Variants in ITCH observed in about 807,000 individuals in gnomAD.
The protein encoded by ITCH is E3 ubiquitin-protein ligase Itchy homolog.
A neutral mutation model predicts 126.8 loss-of-function variants in ITCH; 28 were observed. The ratio of observed to expected loss-of-function variants is 0.22; its 90% CI spans 0.16 to 0.30. ITCH has a LOEUF of 0.30. ITCH is among the 10% of genes least tolerant of loss of function. The pLI, the probability that ITCH is intolerant of heterozygous loss-of-function variation, is 1.00. For missense variants in ITCH, 631 were observed against 1,032.4 expected, an observed-to-expected ratio of 0.61 and a Z score of 5.33; for synonymous variants, 342 against 340.0, an observed-to-expected ratio of 1.01 and a Z score of -0.06.
At chr20:34,425,928 T>C (rs1169237632) in intron 7 of ITCH, among the ~76,000 whole-genome samples, 1 of 152,268 alleles carries the variant, frequency 6.6e-6, no homozygotes, top group African/African-American at 2.4e-5. Flanking sequence ...CTTATTTCTT[T>C]TCTCAGTCTC....
Position 34,441,068 on chromosome 20 carries a change from C to T in ITCH, c.869+724C>T, listed in dbSNP as rs551340036. ...GGCTGATCACCTGAGGTCAGGAGTT[C>T]GAGACCAGCCTGGCCAACATGCTGA... On this transcript the variant is annotated intron_variant, in intron 9 of 24. Coordinates refer to ENST00000374864, the MANE Select transcript of ITCH (RefSeq NM_031483.7). Among the ~76,000 whole-genome samples the T allele has an allele frequency of 8.6e-5, 13 of 152,010 alleles. 1 individual carries two copies. In the South Asian group the frequency reaches 2.7e-3, roughly 32 times the overall value.
At position 34,443,042 on chromosome 20, in the gene ITCH, G is replaced by C. The variant is rs565563768; in HGVS notation, c.965+739G>C. Among the ~76,000 whole-genome samples the C allele has an allele frequency of 6.8e-4, 103 of 151,718 alleles. 1 individual carries two copies. The highest frequency in any genetic ancestry group is 1.4e-3 in the Non-Finnish European group (93 of 67,920). ...TGTTTACCTGTTTACTAATACTGTA[G>C]TTTAAGTATTAGTTTCTTCAAGAGT... On this transcript the variant is annotated intron_variant, in intron 10 of 24. Coordinates refer to ENST00000374864, the MANE Select transcript of ITCH (RefSeq NM_031483.7).
At chr20:34,490,513 C>T (rs1309086693) in intron 22 of ITCH, among the ~76,000 whole-genome samples, 2 of 152,132 alleles carry the variant, frequency 1.3e-5, no homozygotes, top group African/African-American at 4.8e-5. Flanking sequence ...CATGGTGGCA[C>T]ATGCCTGTAA....
intron 13 of ITCH, among the ~76,000 whole-genome samples, chr20:34,459,472 C>T (rs1300309285): frequency 6.6e-6 from 1 of 152,190 alleles, no homozygotes; most frequent in Admixed American, 6.6e-5. Flanking sequence ...CCATGTCCCA[C>T]AGCCTTGACT....
chr20:34,416,329 T>C (rs1334898657), intron 6 of ITCH, among the ~76,000 whole-genome samples: 1 of 152,136 alleles, frequency 6.6e-6, no homozygotes, highest in East Asian at 1.9e-4. Context: ...ACCCGGGAGT[T>C]AGAGGTTGTG....
At chr20:34,495,607 A>G (rs1349853224) in intron 23 of ITCH, among the ~76,000 whole-genome samples, 4 of 152,018 alleles carry the variant, frequency 2.6e-5, no homozygotes, top group African/African-American at 9.7e-5. Flanking sequence ...GTCATAAATG[A>G]CAGAATTTTG....
chr20:34,364,401 G>T (rs1304372448), intron 1 of ITCH, among the ~76,000 whole-genome samples: 1 of 152,044 alleles, frequency 6.6e-6, no homozygotes, highest in African/African-American at 2.4e-5. Flanking sequence ...CACTTAGGTG[G>T]GTTCTCCTGC....
chr20:34,438,338 C>T, intron 7 of ITCH, 136 bp from the exon 8 acceptor site: 1 of 846,954 alleles, frequency 1.2e-6, no homozygotes, highest in Admixed American at 2.3e-5. Flanking sequence ...TTTAATAAGG[C>T]TGACCAGAAA....
In ITCH at chr20:34,393,837, G is replaced by A. The variant is rs2038572541; in HGVS notation, c.26G>A (p.Gly9Asp). ...ATGTCTGACAGTGGATCACAACTTG[G>A]TTCAATGGGTAGCCTCACCATGAAA... MSDSGSQL[G>D]SMGSLTMKSQ... The change falls in exon 3 of 25, where the codon GGT (glycine) becomes GAT (aspartate). Residue 9 changes from glycine to aspartate, a missense_variant. Physicochemically the swap from Gly to Asp is moderately conservative, Grantham distance 94. Coordinates refer to ENST00000374864, the MANE Select transcript of ITCH (RefSeq NM_031483.7). The A allele has an allele frequency of 6.2e-7, 1 of 1,614,036 alleles. No individual in the cohort carries two copies. Among genetic ancestry groups the A allele is most frequent in the Non-Finnish European group, 8.5e-7 (1 of 1,179,950 alleles).
intron 22 of ITCH, 116 bp from the exon 23 acceptor site, chr20:34,492,385 T>A: frequency 1.5e-6 from 1 of 672,042 alleles, no homozygotes; most frequent in Non-Finnish European, 2.6e-6. Flanking sequence ...CCACAGAGCC[T>A]GGGACACCTC....
chr20:34,461,729 A>G (rs1986530941), intron 13 of ITCH, among the ~76,000 whole-genome samples: 1 of 151,732 alleles, frequency 6.6e-6, no homozygotes, highest in Non-Finnish European at 1.5e-5. Flanking sequence ...AAAAAAAAAA[A>G]AAAAGCAGGA....
intron 7 of ITCH, among the ~76,000 whole-genome samples, chr20:34,427,511 G>A (rs1377804897): frequency 6.6e-6 from 1 of 152,056 alleles, no homozygotes; most frequent in Non-Finnish European, 1.5e-5. Context: ...GTTGGAGTGG[G>A]GAGGGTGCCC....
chr20:34,449,233 G>GT (rs199577227), intron 11 of ITCH, among the ~76,000 whole-genome samples, 178 bp from the exon 12 acceptor site: 97 of 151,810 alleles, frequency 6.4e-4, no homozygotes, highest in African/African-American at 2.2e-3. Flanking sequence ...GTTTGCACCG[G>GT]TTTTTTTTAA....
chr20:34,387,350 G>A (rs187417125), intron 2 of ITCH, among the ~76,000 whole-genome samples: 1 of 151,952 alleles, frequency 6.6e-6, no homozygotes, highest in East Asian at 1.9e-4. Context: ...GACCCAGCTG[G>A]GCACAGTGGC....
At chr20:34,394,822 T>C (rs911658650) in intron 3 of ITCH, among the ~76,000 whole-genome samples, 1 of 151,930 alleles carries the variant, frequency 6.6e-6, no homozygotes, top group South Asian at 2.1e-4. Context: ...GGTAAATGAT[T>C]TTTAGGGGAA....
At chr20:34,374,750 T>G (rs2037768619) in intron 2 of ITCH, among the ~76,000 whole-genome samples, 4 of 151,726 alleles carry the variant, frequency 2.6e-5, no homozygotes, top group African/African-American at 9.7e-5. Context: ...TTTTTTTTTT[T>G]GAGACAGAGT....
chr20:34,389,876 T>A (rs1263893344), intron 2 of ITCH, among the ~76,000 whole-genome samples: 1 of 150,752 alleles, frequency 6.6e-6, no homozygotes, highest in East Asian at 1.9e-4. Flanking sequence ...GGCCAGGCAC[T>A]TTGGGAGGCC....
intron 8 of ITCH, among the ~76,000 whole-genome samples, chr20:34,439,776 G>A (rs1648832487): frequency 6.6e-6 from 1 of 152,180 alleles, no homozygotes; most frequent in African/African-American, 2.4e-5. Context: ...AAATTGGTCT[G>A]TAATCTGCAC....
At chr20:34,466,509 TACAG>T (rs1289447927) in intron 14 of ITCH, 1 of 468,380 alleles carries the variant, frequency 2.1e-6, no homozygotes, top group Non-Finnish European at 4.1e-6. Context: ...TTAATGAAAT[TACAG>T]AGGTAATTTA....
Sources: gnomAD v4.1 joint callset for allele counts (sites outside exome capture counted in the v4.1 genomes callset) on GRCh38, gnomAD v4.1.1 for gene constraint, MANE v1.5 for transcripts, NCBI Gene and HGNC (gene_info 2026-07-23, HGNC 2026-07-21) for gene names.